Variants in ERC1 observed in about 807,000 individuals in gnomAD.
The protein encoded by ERC1 is ELKS/RAB6-interacting/CAST family member 1.
ERC1 carries 56 observed loss-of-function variants against 132.0 expected under a neutral mutation model. The observed-to-expected ratio is 0.42, with a 90% CI of 0.34 to 0.53. The LOEUF is 0.53. ERC1 is among the 20% of genes least tolerant of loss of function. The pLI is 0.03. For missense variants in ERC1, 1,202 were observed against 1,349.9 expected (o/e 0.89, Z 1.72); for synonymous variants, 478 against 476.1 (o/e 1.00, Z -0.05).
intron 18 of ERC1, among the ~76,000 whole-genome samples, chr12:1,456,199 G>C (rs1424443177): frequency 1.3e-5 from 2 of 152,190 alleles, no homozygotes; most frequent in East Asian, 3.8e-4. Flanking sequence ...ATATTGTTCT[G>C]CAGTCAAAGT....
At chr12:1,015,722 C>T (rs577466423) in intron 1 of ERC1, among the ~76,000 whole-genome samples, 1 of 152,246 alleles carries the variant, frequency 6.6e-6, no homozygotes, top group South Asian at 2.1e-4. Flanking sequence ...TTTCTCGTCC[C>T]TAGTAATATT....
chr12:1,350,510 G>A (rs1382111835), intron 15 of ERC1, among the ~76,000 whole-genome samples: 1 of 152,168 alleles, frequency 6.6e-6, no homozygotes, highest in Non-Finnish European at 1.5e-5. Context: ...ACCACAGTAG[G>A]AATGGCAAAT....
intron 16 of ERC1, among the ~76,000 whole-genome samples, chr12:1,384,822 T>C (rs2089139182): frequency 6.6e-6 from 1 of 152,212 alleles, no homozygotes; most frequent in African/African-American, 2.4e-5. Flanking sequence ...TGTTCCTGAA[T>C]GGAGCATTTA....
chr12:1,440,274 G>T (rs11061758), intron 17 of ERC1, among the ~76,000 whole-genome samples: 4 of 135,116 alleles, frequency 3.0e-5, no homozygotes, highest in Non-Finnish European at 4.7e-5. Flanking sequence ...GTGCCATCTC[G>T]GCTCACTGCA....
intron 15 of ERC1, 71 bp downstream of exon 15, chr12:1,290,083 C>T (rs1387555594): frequency 8.0e-6 from 11 of 1,367,434 alleles, no homozygotes; most frequent in Non-Finnish European, 1.1e-5. Flanking sequence ...CATTCATCTT[C>T]TGGCTCTGTG....
intron 7 of ERC1, among the ~76,000 whole-genome samples, chr12:1,119,467 C>T (rs1300783150): frequency 6.6e-6 from 1 of 151,478 alleles, no homozygotes; most frequent in East Asian, 1.9e-4. Flanking sequence ...AGCCCTCTAC[C>T]TTTACTAGTT....
chr12:1,078,018 T>C (rs1941611972), intron 2 of ERC1, among the ~76,000 whole-genome samples: 1 of 152,214 alleles, frequency 6.6e-6, no homozygotes, highest in Non-Finnish European at 1.5e-5. Context: ...CAGGCGGAGC[T>C]GAAGAACCAG....
At chr12:1,018,293 C>A (rs1284870532) in intron 1 of ERC1, among the ~76,000 whole-genome samples, 1 of 152,150 alleles carries the variant, frequency 6.6e-6, no homozygotes, top group Admixed American at 6.5e-5. Flanking sequence ...CTTCCACCTC[C>A]CGGCTTCAAG....
intron 7 of ERC1, chr12:1,116,274 G>T: frequency 2.9e-6 from 1 of 350,144 alleles, no homozygotes; most frequent in Non-Finnish European, 5.1e-6. Flanking sequence ...TGCCAAGTCT[G>T]TACTTCAAAG....
chr12:1,485,495 A>G (rs748424492), intron 18 of ERC1, among the ~76,000 whole-genome samples: 5 of 152,024 alleles, frequency 3.3e-5, no homozygotes, highest in African/African-American at 4.8e-5. Flanking sequence ...GAGCCACTGC[A>G]TCTGGCCATA....
chr12:1,129,678 G>A (rs1948567052), intron 7 of ERC1, among the ~76,000 whole-genome samples: 1 of 152,156 alleles, frequency 6.6e-6, no homozygotes, highest in Admixed American at 6.5e-5. Context: ...TGGCAACTCA[G>A]AATTCTGTAC....
rs542195013 is a variant in ERC1, at chr12:1,210,593, T to C, written c.2351+20541T>C. Among the ~76,000 whole-genome samples, 16 of 152,290 alleles carry C rather than the reference T, an allele frequency of 1.1e-4. No individual in the cohort carries two copies. The South Asian group carries it at 3.3e-3, about 32-fold the overall frequency. On this transcript the variant is annotated intron_variant, in intron 12 of 18. Coordinates refer to ENST00000360905, the MANE Select transcript of ERC1 (RefSeq NM_178040.4). Reference sequence around the variant, plus strand: ...GTCATAGGCAGGAGGGAAATGTGTGTTTAATTTTTCTTTACTTCGCTTTCC... The same window carrying C: ...GTCATAGGCAGGAGGGAAATGTGTGCTTAATTTTTCTTTACTTCGCTTTCC...
chr12:1,280,781 T>C (rs147214438), intron 14 of ERC1, among the ~76,000 whole-genome samples: 1 of 152,338 alleles, frequency 6.6e-6, no homozygotes, highest in African/African-American at 2.4e-5. Flanking sequence ...ACTTACGTGA[T>C]GTTTATGAGT....
intron 15 of ERC1, among the ~76,000 whole-genome samples, chr12:1,339,912 G>A (rs2083668405): frequency 2.6e-5 from 4 of 152,184 alleles, no homozygotes; most frequent in Non-Finnish European, 5.9e-5. Flanking sequence ...AGCAGAAGGG[G>A]AACAGGTGGT....
chr12:1,262,959 G>C, intron 13 of ERC1, 75 bp from the exon 14 acceptor site: 1 of 1,465,384 alleles, frequency 6.8e-7, no homozygotes, highest in Non-Finnish European at 9.4e-7. Flanking sequence ...TAAGCAAACA[G>C]CCCTTTCTTA....
At chr12:1,428,299 T>G (rs1457707995) in intron 17 of ERC1, among the ~76,000 whole-genome samples, 2 of 152,224 alleles carry the variant, frequency 1.3e-5, no homozygotes, top group Non-Finnish European at 2.9e-5. Flanking sequence ...AATATTTATT[T>G]AAATAAAACG....
rs149664561 is a variant in ERC1, at chr12:1,246,389, G to A, written c.2487+9485G>A. Among the ~76,000 whole-genome samples the A allele has an allele frequency of 1.6e-3, 250 of 152,190 alleles. 1 individual carries two copies. The highest frequency in any genetic ancestry group is 6.8e-3 in the Middle Eastern group (2 of 294). On this transcript the variant is annotated intron_variant, in intron 13 of 18. Coordinates refer to ENST00000360905, the MANE Select transcript of ERC1 (RefSeq NM_178040.4). The stretch of plus-strand genomic sequence containing the variant: ...ATGAAATACATATCCATGAGTTTAT[G>A]CTGATATAAATAAGTAATCAAATAC...
intron 18 of ERC1, among the ~76,000 whole-genome samples, chr12:1,474,515 A>G (rs2093931701): frequency 6.6e-6 from 1 of 152,180 alleles, no homozygotes; most frequent in Non-Finnish European, 1.5e-5. Flanking sequence ...AATTTATTTC[A>G]CGGAGTTCTG....
rs776151816 is a variant in ERC1 at position 1,335,666 on chromosome 12, G to T, written c.2781-36167G>T. 4.7e-4 allele frequency among the ~76,000 whole-genome samples: 72 copies of T among 152,086 alleles called. 1 individual carries two copies. The highest frequency in any genetic ancestry group is 3.3e-4 in the Admixed American group (5 of 15,268). On this transcript the variant is annotated intron_variant, in intron 15 of 18. Coordinates refer to ENST00000360905, the MANE Select transcript of ERC1 (RefSeq NM_178040.4). The stretch of plus-strand genomic sequence containing the variant: ...GGATTTTGCATTGACGTTCCTCAAG[G>T]ATATTGGTCTGAAGTTTTCTTTTTT...
Sources: allele counts gnomAD v4.1 joint callset (sites outside exome capture counted in the v4.1 genomes callset), GRCh38; gene constraint gnomAD v4.1.1; transcripts MANE v1.5; gene names NCBI Gene and HGNC (gene_info 2026-07-23, HGNC 2026-07-21).